Variants in SMG6 observed in about 807,000 individuals in gnomAD.
SMG6 encodes the protein telomerase-binding protein EST1A.
A neutral mutation model predicts 142.2 loss-of-function variants in SMG6; 66 were observed. The observed-to-expected ratio is 0.46, with a 90% CI of 0.38 to 0.57. The LOEUF is 0.57. Among genes scored for constraint, SMG6 ranks in the 20% least tolerant of loss-of-function variants. The pLI, the probability that SMG6 is intolerant of heterozygous loss-of-function variation, is 0.00. For synonymous variants in SMG6, 779 were observed against 702.4 expected (o/e 1.11, Z -1.72); for missense variants, 1,793 against 1,832.0 (o/e 0.98, Z 0.39).
chr17:2,198,701 G>A (rs1034064924), intron 10 of SMG6, among the ~76,000 whole-genome samples: 2 of 152,014 alleles, frequency 1.3e-5, no homozygotes, highest in Non-Finnish European at 2.9e-5. Flanking sequence ...AACAAAAAAA[G>A]TAAACCCAAG....
intron 9 of SMG6, among the ~76,000 whole-genome samples, chr17:2,242,613 C>T (rs1023991736): frequency 7.3e-6 from 1 of 136,552 alleles, no homozygotes; most frequent in African/African-American, 2.9e-5. Flanking sequence ...GAGTTCAAGG[C>T]TATAGTGCGG....
At chr17:2,244,156 T>C (rs1275618405) in intron 9 of SMG6, among the ~76,000 whole-genome samples, 1 of 152,212 alleles carries the variant, frequency 6.6e-6, no homozygotes, top group Non-Finnish European at 1.5e-5. Context: ...GTAAGAGGCT[T>C]GGTATCTAAT....
chr17:2,188,640 G>A, intron 10 of SMG6, 125 bp from the exon 11 acceptor site: 1 of 753,644 alleles, frequency 1.3e-6, no homozygotes, highest in Non-Finnish European at 2.2e-6. Flanking sequence ...TCTCAGAGTG[G>A]TCATAAGGCC....
intron 8 of SMG6, among the ~76,000 whole-genome samples, chr17:2,281,810 C>T (rs1366935639): frequency 2.0e-5 from 3 of 152,210 alleles, no homozygotes; most frequent in Non-Finnish European, 4.4e-5. Flanking sequence ...GAACCAGCCA[C>T]TGCAGTTTTC....
chr17:2,227,952 G>C (rs776540059), intron 10 of SMG6, among the ~76,000 whole-genome samples: 1 of 152,080 alleles, frequency 6.6e-6, no homozygotes, highest in Non-Finnish European at 1.5e-5. Context: ...ATATGAACAT[G>C]GACAGAACTC....
At chr17:2,082,782 T>C (rs951100264) in intron 14 of SMG6, among the ~76,000 whole-genome samples, 2 of 152,224 alleles carry the variant, frequency 1.3e-5, no homozygotes, top group African/African-American at 2.4e-5. Flanking sequence ...GATAGCTTCC[T>C]TTGAGGGACA....
At chr17:2,116,222 C>T (rs548671306) in intron 13 of SMG6, among the ~76,000 whole-genome samples, 1 of 152,036 alleles carries the variant, frequency 6.6e-6, no homozygotes, top group South Asian at 2.1e-4. Flanking sequence ...TGGGTATGAG[C>T]CACCCTGCCC....
At chr17:2,255,019 T>C (rs2074133046) in intron 8 of SMG6, among the ~76,000 whole-genome samples, 2 of 151,934 alleles carry the variant, frequency 1.3e-5, no homozygotes, top group African/African-American at 4.8e-5. Context: ...TTCTCAAAAG[T>C]GGTACATTGT....
Position 2,299,103 on chromosome 17 carries a change from C to A in SMG6, c.1650G>T (p.Pro550=), listed in dbSNP as rs756055870. The A allele has an allele frequency of 6.2e-7, 1 of 1,614,100 alleles. No homozygotes were observed. Among genetic ancestry groups the A allele is most frequent in the Non-Finnish European group, 8.5e-7 (1 of 1,179,988 alleles). The stretch of plus-strand genomic sequence containing the variant: ...GAGGGCTACACACATACTGTCCTGA[C>A]GGAGTCGGGTAGCCTGGGTAGTAAG... ...PGPYYPGYPT[P]SGQYVCSPLP... is the part of the protein sequence containing the mutation. Residue 550 remains proline (P), a synonymous_variant, in exon 2 of 19, where the codon CCG becomes CCT. Coordinates refer to ENST00000263073, the MANE Select transcript of SMG6 (RefSeq NM_017575.5). This position sits in a 1 kb window ranked among gnomAD's most constrained non-coding sequence, Gnocchi z 4.3.
intron 10 of SMG6, among the ~76,000 whole-genome samples, chr17:2,231,424 G>A (rs1467059452): frequency 1.3e-5 from 2 of 152,184 alleles, no homozygotes; most frequent in Non-Finnish European, 2.9e-5. Context: ...AAGGCTGGGT[G>A]CAGTGGCTCA....
intron 13 of SMG6, among the ~76,000 whole-genome samples, chr17:2,099,079 T>C (rs1251263293): frequency 6.6e-6 from 1 of 152,230 alleles, no homozygotes; most frequent in Non-Finnish European, 1.5e-5. Context: ...AAAATCTATC[T>C]GCAGTATTTA....
chr17:2,237,341 T>A (rs2073691195), intron 9 of SMG6: 1 of 210,900 alleles, frequency 4.7e-6, no homozygotes, highest in South Asian at 1.7e-4. Context: ...GTGCTGGGAT[T>A]ACAGGCATGA....
intron 8 of SMG6, among the ~76,000 whole-genome samples, chr17:2,260,169 T>C (rs958580813): frequency 6.6e-5 from 10 of 152,230 alleles, no homozygotes; most frequent in Admixed American, 6.5e-4. Context: ...AGAATACAAA[T>C]GGATTACACA....
At chr17:2,174,037 C>T (rs1259337475) in intron 12 of SMG6, among the ~76,000 whole-genome samples, 1 of 151,956 alleles carries the variant, frequency 6.6e-6, no homozygotes, top group Non-Finnish European at 1.5e-5. Context: ...AGGAGAATTA[C>T]AAAGAAAAGC....
intron 10 of SMG6, among the ~76,000 whole-genome samples, chr17:2,221,890 T>C (rs2073179621): frequency 6.6e-6 from 1 of 152,170 alleles, no homozygotes; most frequent in African/African-American, 2.4e-5. Context: ...ATTACTACCA[T>C]GCCTGGCTAA....
chr17:2,076,018 A>G (rs911445114), intron 15 of SMG6, among the ~76,000 whole-genome samples: 1 of 152,200 alleles, frequency 6.6e-6, no homozygotes, highest in African/African-American at 2.4e-5. Context: ...CCCCATGCTC[A>G]CAGAAGAGCT....
intron 10 of SMG6, among the ~76,000 whole-genome samples, chr17:2,211,156 A>T (rs2072848081): frequency 6.6e-6 from 1 of 151,866 alleles, no homozygotes; most frequent in Admixed American, 6.6e-5. Context: ...AGGATGTCTT[A>T]GACTGGACAA....
intron 6 of SMG6, among the ~76,000 whole-genome samples, chr17:2,286,621 T>C (rs1409424546): frequency 6.6e-6 from 1 of 152,084 alleles, no homozygotes; most frequent in Non-Finnish European, 1.5e-5. Context: ...ATCAAAGGCC[T>C]AAATATAAGA....
At chr17:2,264,670 G>C (rs997521062) in intron 8 of SMG6, among the ~76,000 whole-genome samples, 2 of 152,024 alleles carry the variant, frequency 1.3e-5, no homozygotes, top group Non-Finnish European at 2.9e-5. Context: ...GGGAGGCTGA[G>C]GTGGGTGGAT....
Sources: gnomAD v4.1 joint callset for allele counts (sites outside exome capture counted in the v4.1 genomes callset) on GRCh38, gnomAD v4.1.1 for gene constraint, Gnocchi (gnomAD v3.1) non-coding constraint, MANE v1.5 for transcripts, NCBI Gene and HGNC (gene_info 2026-07-23, HGNC 2026-07-21) for gene names.